SAE1: variants seen among roughly 807,000 people sequenced by gnomAD.
SAE1 encodes the protein SUMO-activating enzyme subunit 1.
In SAE1, 11 loss-of-function variants were observed where a neutral mutation model predicts 40.6. That is an observed-to-expected ratio of 0.27 (90% confidence interval 0.17 to 0.45). The LOEUF (loss-of-function observed/expected upper bound fraction) is 0.45, where lower values mean the gene tolerates loss of function less well. SAE1 is among the 20% of genes least tolerant of loss of function. SAE1 has a pLI of 1.00. For missense variants in SAE1, 373 were observed against 427.3 expected, an observed-to-expected ratio of 0.87 and a Z score of 1.12; for synonymous variants, 155 against 154.3, an observed-to-expected ratio of 1.00 and a Z score of -0.03.
chr19:47,200,092 A>G (rs1474762898), intron 7 of SAE1, among the ~76,000 whole-genome samples: 1 of 151,898 alleles, frequency 6.6e-6, no homozygotes, highest in Non-Finnish European at 1.5e-5. Context: ...CACCACGCCC[A>G]GCTAATTTTT....
In SAE1 at chr19:47,150,287, C is replaced by G; in HGVS notation, c.296C>G (p.Ala99Gly). The change falls in exon 3 of 9, where the codon GCT (alanine) becomes GGT (glycine). Residue 99 changes from alanine to glycine, a missense_variant. Physicochemically the swap from Ala to Gly is moderately conservative, Grantham distance 60. This residue lies in a region of SAE1 where 351 missense variants were observed against 390.6 expected (regional missense o/e 0.90). Transcript: ENST00000270225. ...AGGGCTGAAGCCTCTTTGGAGCGAG[C>G]TCAGAATCTCAACCCCATGGTGGAT... ...RNRAEASLERAQNLNPMVDVK... is the reference protein window; with the variant it reads ...RNRAEASLERGQNLNPMVDVK... The G allele has an allele frequency of 6.2e-7, 1 of 1,613,664 alleles. No individual in the cohort carries two copies. The highest frequency in any genetic ancestry group is 8.5e-7 in the Non-Finnish European group (1 of 1,179,726).
chr19:47,182,496 T>TGTGTGTGTGTGTGTGTGCGC (rs143321323), intron 6 of SAE1, among the ~76,000 whole-genome samples: 12 of 145,938 alleles, frequency 8.2e-5, no homozygotes, highest in African/African-American at 3.1e-4. Context: ...TGTGTGTGTG[T>TGTGTGTGTGTGTGTGTGCGC]GCGCGCACGC....
chr19:47,181,780 CT>C (rs36107839), intron 6 of SAE1, among the ~76,000 whole-genome samples: 42,244 of 96,478 alleles, frequency 0.44, 7,565 homozygotes, highest in East Asian at 0.57. Flanking sequence ...CACCTGGCCT[CT>C]TTTTTTTTTT....
intron 6 of SAE1, among the ~76,000 whole-genome samples, chr19:47,184,394 GT>G (rs1240311587): frequency 6.6e-6 from 1 of 151,972 alleles, no homozygotes; most frequent in Non-Finnish European, 1.5e-5. Flanking sequence ...ACCTCATTCT[GT>G]CTTTTTTGTT....
Position 47,169,841 on chromosome 19 carries a change from A to G in SAE1, c.651A>G (p.Lys217=), listed in dbSNP as rs35966526. Residue 217 remains lysine (K), a synonymous_variant, in exon 6 of 9, where the codon AAA becomes AAG. Transcript: ENST00000270225. ...AGAAGGTGGTCTTCTGCCCTGTTAAAGAAGCCCTGGAGGTGGACTGGAGCA... is the reference window on the plus strand; with the variant it reads ...AGAAGGTGGTCTTCTGCCCTGTTAAGGAAGCCCTGGAGGTGGACTGGAGCA... ...VKKKVVFCPV[K]EALEVDWSSE... The G allele has an allele frequency of 7.3e-4, 1,174 of 1,614,160 alleles. 9 individuals carry two copies. In the African/African-American group the frequency reaches 0.014, roughly 19 times the overall value.
chr19:47,196,693 A>T (rs1341989363), intron 6 of SAE1, among the ~76,000 whole-genome samples: 1 of 151,712 alleles, frequency 6.6e-6, no homozygotes, highest in African/African-American at 2.4e-5. Context: ...TTTTTCCTCT[A>T]CTGAAAGCTT....
chr19:47,186,944 C>T (rs914535215), intron 6 of SAE1, among the ~76,000 whole-genome samples: 7 of 152,214 alleles, frequency 4.6e-5, no homozygotes, highest in South Asian at 2.1e-4. Context: ...CTGTGAGCTC[C>T]GCGTGTGAGG....
At chr19:47,169,982 G>A in intron 6 of SAE1, 59 bp downstream of exon 6, 1 of 1,265,210 alleles carries the variant, frequency 7.9e-7, no homozygotes, top group East Asian at 2.3e-5. Flanking sequence ...TTCTGCAAAT[G>A]TGGTTGCAAG....
At chr19:47,189,169 C>T (rs190448992) in intron 6 of SAE1, among the ~76,000 whole-genome samples, 3 of 152,264 alleles carry the variant, frequency 2.0e-5, no homozygotes, top group African/African-American at 7.2e-5. Flanking sequence ...AGAGGTAGTA[C>T]TACCATACTT....
At position 47,138,371 on chromosome 19, in the gene SAE1, C is replaced by G. The variant is rs539423425; in HGVS notation, c.99-5123C>G. Among the ~76,000 whole-genome samples, 54 of 152,294 alleles carry G rather than the reference C, an allele frequency of 3.5e-4. 1 individual carries two copies. The South Asian group carries it at 8.5e-3, about 24-fold the overall frequency. On this transcript the variant is annotated intron_variant, in intron 1 of 8. Transcript: ENST00000270225. ...AAGTTACCTTCTTTGTGCCTGTTTTCTCAGCTGCAAAAGAGGGGTAACAAA... is the reference window on the plus strand; with the variant it reads ...AAGTTACCTTCTTTGTGCCTGTTTTGTCAGCTGCAAAAGAGGGGTAACAAA...
chr19:47,185,473 T>G (rs955062445), intron 6 of SAE1, among the ~76,000 whole-genome samples: 7 of 151,654 alleles, frequency 4.6e-5, no homozygotes, highest in African/African-American at 1.7e-4. Flanking sequence ...CCTGGCTAAT[T>G]TTTTGTATTT....
At chr19:47,204,364 AT>A (rs1453388992) in intron 8 of SAE1, among the ~76,000 whole-genome samples, 1 of 150,590 alleles carries the variant, frequency 6.6e-6, no homozygotes, top group South Asian at 2.1e-4. Flanking sequence ...CGCCCAGCTA[AT>A]TTTTTTGTAT....
At chr19:47,150,466 C>T in intron 3 of SAE1, 91 bp downstream of exon 3, 2 of 997,238 alleles carry the variant, frequency 2.0e-6, no homozygotes, top group East Asian at 2.5e-5. Flanking sequence ...AATCTGAGAG[C>T]ATTCAAATAT....
intron 1 of SAE1, among the ~76,000 whole-genome samples, chr19:47,131,662 C>CA (rs1294262828): frequency 2.0e-5 from 3 of 146,398 alleles, no homozygotes; most frequent in African/African-American, 7.6e-5. Flanking sequence ...GGACAGGAGA[C>CA]GTAGTTTGGG....
At chr19:47,134,351 G>T (rs8102445) in intron 1 of SAE1, among the ~76,000 whole-genome samples, 64,631 of 151,152 alleles carry the variant, frequency 0.43, 15,876 homozygotes, top group Non-Finnish European at 0.56. Flanking sequence ...GGGTGCAGTG[G>T]TGGGATGGGA....
chr19:47,163,264 AG>A (rs1337271205), intron 5 of SAE1, among the ~76,000 whole-genome samples: 22 of 151,620 alleles, frequency 1.5e-4, no homozygotes, highest in Admixed American at 3.9e-4. Context: ...AAAAAAAAAA[AG>A]AAAATTGAAA....
At chr19:47,149,928 T>C (rs2058277124) in intron 2 of SAE1, among the ~76,000 whole-genome samples, 1 of 151,352 alleles carries the variant, frequency 6.6e-6, no homozygotes, top group African/African-American at 2.4e-5. Flanking sequence ...ATACAAAAAT[T>C]AGCTGTTGTG....
intron 5 of SAE1, among the ~76,000 whole-genome samples, chr19:47,166,877 A>G (rs549272613): frequency 1.3e-4 from 20 of 152,310 alleles, no homozygotes; most frequent in African/African-American, 4.8e-4. Context: ...AACATCTTGT[A>G]TACTATCTTT....
chr19:47,199,730 T>G lies in SAE1; in HGVS notation c.878+2353T>G, dbSNP rs2058640527. 5.3e-5 allele frequency among the ~76,000 whole-genome samples: 8 copies of G among 152,262 alleles called. No homozygotes were observed. The South Asian group carries it at 1.7e-3, about 32-fold the overall frequency. On this transcript the variant is annotated intron_variant, in intron 7 of 8. Transcript: ENST00000270225. ...GCTGGGATTATTGGAACTGAAGCCCTGCATGACCCAGTCCTTCTTCCTGCT... is the reference window on the plus strand; with the variant it reads ...GCTGGGATTATTGGAACTGAAGCCCGGCATGACCCAGTCCTTCTTCCTGCT...
Sources: gnomAD v4.1 joint callset for allele counts (sites outside exome capture counted in the v4.1 genomes callset) on GRCh38, gnomAD v4.1.1 for gene constraint, gnomAD v4.1.1 regional missense constraint, MANE v1.5 for transcripts, NCBI Gene and HGNC (gene_info 2026-07-23, HGNC 2026-07-21) for gene names.